The following MUSK variants were observed in gnomAD, a reference collection of about 807,000 sequenced individuals.
The protein encoded by MUSK is muscle associated receptor tyrosine kinase.
A neutral mutation model predicts 88.7 loss-of-function variants in MUSK; 55 were observed. The ratio of observed to expected loss-of-function variants is 0.62; its 90% confidence interval spans 0.50 to 0.78. The LOEUF (loss-of-function observed/expected upper bound fraction) is 0.78, where lower values mean the gene tolerates loss of function less well. Among genes scored for constraint, MUSK ranks in the 30% least tolerant of loss-of-function variants. MUSK has a pLI of 0.00. For missense variants in MUSK, 1,015 were observed against 1,074.3 expected (o/e 0.94, Z 0.77); for synonymous variants, 387 against 391.9 (o/e 0.99, Z 0.15).
chr9:110,738,423 A>G (rs1467581203), intron 6 of MUSK, among the ~76,000 whole-genome samples: 2 of 152,156 alleles, frequency 1.3e-5, no homozygotes, highest in Non-Finnish European at 2.9e-5. Flanking sequence ...TTTTGCTACT[A>G]TCTAAGCCTA....
chr9:110,784,384 C>T (rs1198344056), intron 11 of MUSK, among the ~76,000 whole-genome samples: 1 of 152,100 alleles, frequency 6.6e-6, no homozygotes, highest in Non-Finnish European at 1.5e-5. Flanking sequence ...CTAATATTTT[C>T]ATTTTTCATC....
intron 11 of MUSK, among the ~76,000 whole-genome samples, chr9:110,784,021 C>A (rs947180067): frequency 4.0e-5 from 6 of 151,850 alleles, no homozygotes; most frequent in African/African-American, 1.5e-4. Context: ...ATAATTTCTG[C>A]CTTTAAAATT....
Position 110,747,807 on chromosome 9 carries a change from T to G in MUSK, c.913+7T>G. On this transcript the variant is annotated splice_region_variant and intron_variant, in intron 7 of 14. Coordinates refer to ENST00000374448, the MANE Select transcript of MUSK (RefSeq NM_005592.4). ...GCCACCATCAGCATAGCAGGTAGGATGCCCCTTCACATTTGCGTTGTTCCA... is the reference window on the plus strand; with the variant it reads ...GCCACCATCAGCATAGCAGGTAGGAGGCCCCTTCACATTTGCGTTGTTCCA... 1.2e-6 allele frequency: 2 copies of G among 1,613,522 alleles called. No individual in the cohort carries two copies. Among genetic ancestry groups the G allele is most frequent in the Non-Finnish European group, 1.7e-6 (2 of 1,179,536 alleles).
chr9:110,716,976 T>C (rs373475416), intron 5 of MUSK, among the ~76,000 whole-genome samples: 3 of 149,940 alleles, frequency 2.0e-5, no homozygotes, highest in East Asian at 1.9e-4. Context: ...TTTCCTGTGC[T>C]CTTTGTTTGG....
chr9:110,697,736 T>G (rs533666930), intron 5 of MUSK, among the ~76,000 whole-genome samples: 74 of 152,310 alleles, frequency 4.9e-4, no homozygotes, highest in African/African-American at 1.7e-3. Flanking sequence ...ACTGTAACAG[T>G]AAAATAATAG....
chr9:110,785,751 G>C, intron 13 of MUSK, 33 bp downstream of exon 13: 1 of 1,545,100 alleles, frequency 6.5e-7, no homozygotes, highest in Non-Finnish European at 8.8e-7. Context: ...AAACTCCATT[G>C]AAATATGTTA....
chr9:110,743,131 A>G (rs999843928), intron 6 of MUSK, among the ~76,000 whole-genome samples: 1 of 152,212 alleles, frequency 6.6e-6, no homozygotes, highest in Non-Finnish European at 1.5e-5. Context: ...AACTAATGCC[A>G]TAGCACGCTG....
chr9:110,771,064 CAG>C (rs946923710), intron 9 of MUSK, among the ~76,000 whole-genome samples: 1 of 151,074 alleles, frequency 6.6e-6, no homozygotes, highest in Non-Finnish European at 1.5e-5. Flanking sequence ...CCATATAGTT[CAG>C]AGTTTGACAA....
intron 5 of MUSK, among the ~76,000 whole-genome samples, chr9:110,700,446 A>G (rs1351872142): frequency 6.6e-6 from 1 of 152,120 alleles, no homozygotes; most frequent in Non-Finnish European, 1.5e-5. Context: ...AAATGAGGGG[A>G]AAACCAGAAT....
intron 5 of MUSK, among the ~76,000 whole-genome samples, chr9:110,729,841 A>C (rs750520845): frequency 6.6e-6 from 1 of 152,040 alleles, no homozygotes; most frequent in Non-Finnish European, 1.5e-5. Context: ...GAGGTAGTTC[A>C]TCTCCAGCCA....
chr9:110,689,660 T>G (rs1345029606), intron 3 of MUSK, among the ~76,000 whole-genome samples: 1 of 56,980 alleles, frequency 1.8e-5, no homozygotes, highest in Non-Finnish European at 2.9e-5. Flanking sequence ...TACCATATAA[T>G]ATACATAGTA....
At position 110,668,862 on chromosome 9, in the gene MUSK, G is replaced by A. The variant is rs116884176; in HGVS notation, c.-43G>A. 143 of 1,510,240 alleles carry A rather than the reference G, an allele frequency of 9.5e-5. No homozygotes were observed. In the East Asian group the frequency reaches 2.6e-3, roughly 27 times the overall value. The allele number at this position is 1,510,240 out of a possible 1,614,324, so 93.6% of individuals were successfully genotyped here. A position where few individuals can be genotyped will look rare whatever the true frequency, so the allele number is the denominator to read the frequency against. The stretch of plus-strand genomic sequence containing the variant: ...TAAACTGTGGAGCCATTTTCCTTGC[G>A]TTGTCCAGAAGGAACTTCGTCCTGC... On this transcript the variant is annotated 5_prime_UTR_variant, in exon 1 of 15. Transcript: ENST00000374448.
intron 3 of MUSK, among the ~76,000 whole-genome samples, chr9:110,689,001 T>C (rs917489956): frequency 1.4e-5 from 2 of 143,870 alleles, no homozygotes; most frequent in African/African-American, 2.5e-5. Flanking sequence ...TATACTTAAA[T>C]ATATAAAAAC....
rs566841946 is a variant in MUSK, at chr9:110,757,395, G to T, written c.914-4807G>T. Among the ~76,000 whole-genome samples the T allele has an allele frequency of 3.3e-5, 5 of 151,150 alleles. No individual in the cohort carries two copies. The South Asian group carries it at 1.0e-3, about 32-fold the overall frequency. On this transcript the variant is annotated intron_variant, in intron 7 of 14. Transcript: ENST00000374448. ...AATCGCTTGAACCTGGGAGGCAAAG[G>T]TTACAGTGAGCCAAGATTGTGCCAC... is the stretch of plus-strand genomic sequence containing the variant.
chr9:110,788,450 G>A (rs1024492762), intron 14 of MUSK, among the ~76,000 whole-genome samples: 18 of 151,882 alleles, frequency 1.2e-4, no homozygotes, highest in African/African-American at 4.4e-4. Context: ...TGGCGAACAA[G>A]GTGAAATCCC....
chr9:110,721,883 T>C (rs2076815866), intron 5 of MUSK, among the ~76,000 whole-genome samples: 1 of 152,098 alleles, frequency 6.6e-6, no homozygotes, highest in African/African-American at 2.4e-5. Flanking sequence ...GGTACTGGTA[T>C]AAAAATGGGC....
chr9:110,767,754 A>C, intron 8 of MUSK, 66 bp from the exon 9 acceptor site: 1 of 1,596,982 alleles, frequency 6.3e-7, no homozygotes, highest in Non-Finnish European at 8.6e-7. Context: ...CAAAAAAAAA[A>C]AGAAAAGCAG....
chr9:110,797,805 C>T (rs560263039), intron 14 of MUSK, among the ~76,000 whole-genome samples: 1 of 152,274 alleles, frequency 6.6e-6, no homozygotes, highest in Non-Finnish European at 1.5e-5. Context: ...ATTAAACAAA[C>T]ATACATACAT....
At chr9:110,693,854 T>C (rs181113404) in intron 3 of MUSK, among the ~76,000 whole-genome samples, 1 of 152,116 alleles carries the variant, frequency 6.6e-6, no homozygotes, top group African/African-American at 2.4e-5. Flanking sequence ...CATAGGAATA[T>C]CAAGTGCTCA....
Sources: allele counts gnomAD v4.1 joint callset (sites outside exome capture counted in the v4.1 genomes callset), GRCh38; gene constraint gnomAD v4.1.1; transcripts MANE v1.5; gene names NCBI Gene and HGNC (gene_info 2026-07-23, HGNC 2026-07-21).